The following TOR1AIP2 variants were observed in gnomAD, a reference collection of about 807,000 sequenced individuals.
The protein encoded by TOR1AIP2 is torsin 1A interacting protein 2.
In TOR1AIP2, 20 loss-of-function variants were observed where a neutral mutation model predicts 32.6. That is an observed-to-expected ratio of 0.61 (90% confidence interval 0.43 to 0.89). The LOEUF (loss-of-function observed/expected upper bound fraction) is 0.89. TOR1AIP2 is among the 40% of genes least tolerant of loss of function. The probability of loss-of-function intolerance (pLI) is 0.00; values close to 1 mark genes in which losing one functional copy is unlikely to be tolerated. For synonymous variants in TOR1AIP2, 214 were observed against 210.8 expected (o/e 1.02, Z -0.13); for missense variants, 456 against 553.8 (o/e 0.82, Z 1.77).
intron 3 of TOR1AIP2, 184 bp downstream of exon 3, chr1:179,865,252 C>T (rs1696722368): frequency 6.7e-7 from 1 of 1,503,008 alleles, no homozygotes; most frequent in Non-Finnish European, 8.9e-7. Flanking sequence ...GCCCAAACAC[C>T]AGTCCTATTA....
chr1:179,870,587 C>T (rs1409523345), intron 2 of TOR1AIP2, among the ~76,000 whole-genome samples: 3 of 151,984 alleles, frequency 2.0e-5, no homozygotes, highest in African/African-American at 4.8e-5. Context: ...GAAAGATGTC[C>T]AAACAATCTG....
chr1:179,863,547 G>A (rs1039779133), intron 3 of TOR1AIP2: 16 of 984,960 alleles, frequency 1.6e-5, no homozygotes, highest in Middle Eastern at 1.0e-3. Context: ...ATGGATCCTA[G>A]GCCGGGTAGG....
rs1354458393 is a variant in TOR1AIP2 at position 179,841,708 on chromosome 1, T to C, written c.*4363A>G. 1 of 152,252 alleles carries C rather than the reference T, an allele frequency of 6.6e-6. No individual in the cohort carries two copies. The highest frequency in any genetic ancestry group is 2.4e-5 in the African/African-American group (1 of 41,468). 9.4% of individuals were successfully genotyped at this position (152,252 alleles called of 1,614,324 possible). A position where few individuals can be genotyped will look rare whatever the true frequency, so the allele number is the denominator to read the frequency against. Reference sequence around the variant, plus strand: ...AATGATTACCCTAATCAGCTATTATTTATTATTTTCTATTTAACATTCATT... The same window carrying C: ...AATGATTACCCTAATCAGCTATTATCTATTATTTTCTATTTAACATTCATT... On this transcript the variant is annotated 3_prime_UTR_variant, in exon 7 of 7. Transcript: ENST00000609928.
intron 2 of TOR1AIP2, among the ~76,000 whole-genome samples, 166 bp from the exon 3 acceptor site, chr1:179,866,020 C>T (rs1055787414): frequency 2.0e-5 from 3 of 152,178 alleles, no homozygotes; most frequent in African/African-American, 7.2e-5. Context: ...GATATGTTGG[C>T]ACTAGGAAGA....
intron 5 of TOR1AIP2, among the ~76,000 whole-genome samples, chr1:179,848,090 A>G (rs984855229): frequency 1.7e-4 from 26 of 152,086 alleles, no homozygotes; most frequent in African/African-American, 6.3e-4. Context: ...CTTTAAGACT[A>G]TTACTTTTAT....
chr1:179,868,778 C>A (rs1274119750), intron 2 of TOR1AIP2: 1 of 152,006 alleles, frequency 6.6e-6, no homozygotes, highest in Non-Finnish European at 1.5e-5. Flanking sequence ...TAAACACATG[C>A]ACACATTCTT....
intron 2 of TOR1AIP2, among the ~76,000 whole-genome samples, chr1:179,872,274 G>A (rs1195460347): frequency 2.0e-5 from 3 of 152,146 alleles, no homozygotes; most frequent in African/African-American, 7.2e-5. Flanking sequence ...AAAAGCCCAT[G>A]GTCCAAATTC....
chr1:179,860,465 G>T, intron 3 of TOR1AIP2: 2 of 985,168 alleles, frequency 2.0e-6, no homozygotes, highest in Non-Finnish European at 1.2e-6. Flanking sequence ...CTAGGTGACA[G>T]AACGAGACTC....
chr1:179,846,388 G>C lies in TOR1AIP2; in HGVS notation c.1096C>G (p.His366Asp). ...GAGCCGGCAGGGAAGGATTCGAAGT[G>C]GTGTACCACAGCAGCCTTCTGGCCA... is the stretch of plus-strand genomic sequence containing the variant. ...ENGQKAAVVH[H>D]FESFPAGSTL... Residue 366 changes from histidine to aspartate, a missense_variant, in exon 7 of 7, where the codon CAC (histidine) becomes GAC (aspartate). Transcript: ENST00000609928. The C allele has an allele frequency of 6.2e-7, 1 of 1,614,174 alleles. No individual in the cohort carries two copies. Among genetic ancestry groups the C allele is most frequent in the South Asian group, 1.1e-5 (1 of 91,072 alleles).
At chr1:179,871,769 G>A (rs1430000413) in intron 2 of TOR1AIP2, among the ~76,000 whole-genome samples, 2 of 152,014 alleles carry the variant, frequency 1.3e-5, no homozygotes, top group African/African-American at 4.8e-5. Flanking sequence ...AACTTTTTTT[G>A]TATGAGATGG....
chr1:179,852,334 T>C (rs373453775), intron 4 of TOR1AIP2, among the ~76,000 whole-genome samples: 1 of 151,982 alleles, frequency 6.6e-6, no homozygotes, highest in Non-Finnish European at 1.5e-5. Context: ...ACAGGATATA[T>C]ATAACTCTAA....
chr1:179,846,852 T>G, intron 6 of TOR1AIP2, 24 bp from the exon 7 acceptor site: 1 of 1,559,898 alleles, frequency 6.4e-7, no homozygotes. Flanking sequence ...GAAAAAGGAA[T>G]AGAAAATTAC....
intron 3 of TOR1AIP2, chr1:179,863,677 C>CAAAAAAA (rs904854823): frequency 9.3e-6 from 8 of 859,974 alleles, no homozygotes; most frequent in African/African-American, 2.9e-5. Context: ...TTTTAAAAAG[C>CAAAAAAA]AAAAAAAAAA....
At chr1:179,866,953 A>T (rs1696808561) in intron 2 of TOR1AIP2, among the ~76,000 whole-genome samples, 1 of 152,178 alleles carries the variant, frequency 6.6e-6, no homozygotes, top group Admixed American at 6.5e-5. Context: ...AGAATACTAT[A>T]TATACCATGC....
At chr1:179,859,015 G>A (rs1236028448) in intron 3 of TOR1AIP2, 1 of 978,728 alleles carries the variant, frequency 1.0e-6, no homozygotes, top group Non-Finnish European at 1.2e-6. Context: ...CATGACAAAT[G>A]TATGACAGTT....
intron 2 of TOR1AIP2, among the ~76,000 whole-genome samples, chr1:179,866,868 T>C (rs1263239512): frequency 1.3e-5 from 2 of 152,226 alleles, no homozygotes; most frequent in Non-Finnish European, 2.9e-5. Context: ...TGACACTGGA[T>C]GTAGCATGTA....
intron 2 of TOR1AIP2, among the ~76,000 whole-genome samples, chr1:179,870,844 A>G (rs979407330): frequency 6.6e-6 from 1 of 152,236 alleles, no homozygotes; most frequent in African/African-American, 2.4e-5. Context: ...AGGTAAGTAT[A>G]TGACTATCAT....
rs1695682614 is a variant in TOR1AIP2, at chr1:179,840,377, A to T, written c.*5694T>A. ...CAGCCTGTTGCTTCCCAAGTCTAAA[A>T]TGTTCTTTTTGGTTCATGTAACTGC... On this transcript the variant is annotated 3_prime_UTR_variant, in exon 7 of 7. Transcript: ENST00000609928. 1 of 152,216 alleles carries T rather than the reference A, an allele frequency of 6.6e-6. No homozygotes were observed. Among genetic ancestry groups the T allele is most frequent in the Non-Finnish European group, 1.5e-5 (1 of 68,038 alleles). 9.4% of individuals were successfully genotyped at this position (152,216 alleles called of 1,614,324 possible).
chr1:179,863,889 A>G, intron 3 of TOR1AIP2: 5 of 985,450 alleles, frequency 5.1e-6, no homozygotes, highest in South Asian at 4.7e-5. Context: ...GATTTTCATG[A>G]AAGTCCAGAA....
Sources: gnomAD v4.1 joint callset for allele counts (sites outside exome capture counted in the v4.1 genomes callset) on GRCh38, gnomAD v4.1.1 for gene constraint, MANE v1.5 for transcripts, NCBI Gene and HGNC (gene_info 2026-07-23, HGNC 2026-07-21) for gene names.